The following CELF4 variants were observed in gnomAD, a reference collection of about 807,000 sequenced individuals.
CELF4 encodes CUG-BP- and ETR-3-like factor 4.
Under a neutral mutation model 59.9 loss-of-function variants are expected in CELF4, and 18 were observed. That is an observed-to-expected ratio of 0.30 (90% CI 0.21 to 0.45). The LOEUF (loss-of-function observed/expected upper bound fraction) is 0.45, where lower values mean the gene tolerates loss of function less well. Among genes scored for constraint, CELF4 ranks in the 20% least tolerant of loss-of-function variants. CELF4 has a pLI of 1.00. For synonymous variants in CELF4, 261 were observed against 267.1 expected (o/e 0.98, Z 0.22); for missense variants, 456 against 689.0 (o/e 0.66, Z 3.79).
intron 1 of CELF4, among the ~76,000 whole-genome samples, chr18:37,522,002 A>G (rs1318059018): frequency 6.6e-6 from 1 of 152,184 alleles, no homozygotes; most frequent in Non-Finnish European, 1.5e-5. Flanking sequence ...CGGTGAGTTT[A>G]AGAGTGGAGA....
chr18:37,504,722 T>C (rs191367103), intron 1 of CELF4, among the ~76,000 whole-genome samples: 1 of 152,294 alleles, frequency 6.6e-6, no homozygotes, highest in East Asian at 1.9e-4. Flanking sequence ...TGCTTAGCAC[T>C]AAGCACACAT....
rs565227792 is a variant in CELF4, at chr18:37,565,594, T to C, written c.48A>G (p.Ala16=). The C allele has an allele frequency of 6.2e-7, 1 of 1,610,556 alleles. No individual in the cohort carries two copies. The highest frequency in any genetic ancestry group is 1.1e-5 in the South Asian group (1 of 90,724). Residue 16 remains alanine, a synonymous_variant, in exon 1 of 13, where the codon GCA becomes GCG. Transcript: ENST00000420428. ...ATLANGQADN[A]SLSTNGLGSS... ...TGCCGAGCCCGTTGGTACTGAGGCT[T>C]GCGTTGTCAGCCTGTCCGTTTGCTA... is the stretch of plus-strand genomic sequence containing the variant.
intron 3 of CELF4, among the ~76,000 whole-genome samples, chr18:37,319,958 T>C (rs1297727554): frequency 1.3e-5 from 2 of 152,166 alleles, no homozygotes; most frequent in African/African-American, 4.8e-5. Flanking sequence ...GCCCTCATGC[T>C]GGACACCCCA....
At chr18:37,366,666 C>T (rs1188037415) in intron 2 of CELF4, among the ~76,000 whole-genome samples, 2 of 152,104 alleles carry the variant, frequency 1.3e-5, no homozygotes, top group South Asian at 2.1e-4. Context: ...CTCCATTAGG[C>T]AAGGAGGGTC....
intron 2 of CELF4, among the ~76,000 whole-genome samples, chr18:37,411,025 T>C (rs1211751793): frequency 6.6e-6 from 1 of 152,134 alleles, no homozygotes; most frequent in Non-Finnish European, 1.5e-5. Context: ...GGCACTATCA[T>C]AGCTCACTGT....
At chr18:37,494,650 A>G (rs1004873790) in intron 1 of CELF4, among the ~76,000 whole-genome samples, 6 of 152,160 alleles carry the variant, frequency 3.9e-5, no homozygotes, top group South Asian at 2.1e-4. Context: ...TCGGCATCTG[A>G]CAGCTCAGAA....
At position 37,450,041 on chromosome 18, in the gene CELF4, G is replaced by T. The variant is rs912938957; in HGVS notation, c.369+35484C>A. 2.6e-5 allele frequency among the ~76,000 whole-genome samples: 4 copies of T among 152,160 alleles called. No homozygotes were observed. In the East Asian group the frequency reaches 7.7e-4, roughly 29 times the overall value. On this transcript the variant is annotated intron_variant, in intron 2 of 12. Transcript: ENST00000420428. Reference sequence around the variant, plus strand: ...CACAGGGTTTTCCCAGAGCCCAGAAGTGCAAGCCTATGCTATGGAGGGGCC... The same window carrying T: ...CACAGGGTTTTCCCAGAGCCCAGAATTGCAAGCCTATGCTATGGAGGGGCC...
chr18:37,312,117 AAAAAAAAAAAAAAG>A (rs1048732713), intron 3 of CELF4, among the ~76,000 whole-genome samples: 19 of 118,496 alleles, frequency 1.6e-4, no homozygotes, highest in East Asian at 4.7e-4. Context: ...TCTCAAAAAA[AAAAAAAAAAAAAAG>A]AAAAAAAAAA....
chr18:37,439,451 G>A (rs1363352333), intron 2 of CELF4, among the ~76,000 whole-genome samples: 1 of 152,184 alleles, frequency 6.6e-6, no homozygotes, highest in Admixed American at 6.5e-5. Flanking sequence ...CTGAAATACT[G>A]AGGAGCTCAT....
intron 2 of CELF4, among the ~76,000 whole-genome samples, chr18:37,397,125 C>T (rs1443990464): frequency 6.6e-6 from 1 of 152,112 alleles, no homozygotes; most frequent in Non-Finnish European, 1.5e-5. Context: ...CACAAACCCT[C>T]ATGCCTCCCA....
At chr18:37,442,757 T>C (rs1325616634) in intron 2 of CELF4, among the ~76,000 whole-genome samples, 1 of 152,220 alleles carries the variant, frequency 6.6e-6, no homozygotes, top group Non-Finnish European at 1.5e-5. Context: ...TGTGGAACCC[T>C]GAGCCACCTG....
At chr18:37,314,943 C>T (rs2096813744) in intron 3 of CELF4, among the ~76,000 whole-genome samples, 9 of 152,198 alleles carry the variant, frequency 5.9e-5, no homozygotes, top group Admixed American at 5.9e-4. Flanking sequence ...TCACTTGCCA[C>T]AGCCAGAAGT....
At chr18:37,457,198 G>C (rs1364929441) in intron 2 of CELF4, among the ~76,000 whole-genome samples, 1 of 152,178 alleles carries the variant, frequency 6.6e-6, no homozygotes, top group Non-Finnish European at 1.5e-5. Flanking sequence ...GGCTCCCTGT[G>C]GCCTTTGTTG....
At chr18:37,406,508 G>T (rs2099390466) in intron 2 of CELF4, among the ~76,000 whole-genome samples, 2 of 152,180 alleles carry the variant, frequency 1.3e-5, no homozygotes, top group Non-Finnish European at 2.9e-5. Flanking sequence ...GACCTTGGGG[G>T]AACCTGAGCA....
chr18:37,465,734 C>A (rs2099806385), intron 2 of CELF4, among the ~76,000 whole-genome samples: 2 of 152,168 alleles, frequency 1.3e-5, no homozygotes, highest in South Asian at 4.2e-4. Context: ...TGTGGTTATG[C>A]AGTAAGTGTA....
At chr18:37,267,771 C>G (rs148417539) in intron 8 of CELF4, among the ~76,000 whole-genome samples, 7 of 152,056 alleles carry the variant, frequency 4.6e-5, no homozygotes, top group Admixed American at 4.6e-4. Context: ...CACGGTGGCT[C>G]ATGCCTGCAA....
At chr18:37,452,801 G>A (rs1302714942) in intron 2 of CELF4, among the ~76,000 whole-genome samples, 1 of 152,016 alleles carries the variant, frequency 6.6e-6, no homozygotes, top group Non-Finnish European at 1.5e-5. Context: ...CCCCCAAATG[G>A]TTCCAGAATT....
chr18:37,342,659 G>A (rs940562610), intron 2 of CELF4, among the ~76,000 whole-genome samples: 2 of 152,224 alleles, frequency 1.3e-5, no homozygotes, highest in African/African-American at 4.8e-5. Context: ...GTTCCTGCAG[G>A]CATCTCTTAG....
intron 1 of CELF4, among the ~76,000 whole-genome samples, chr18:37,564,713 T>C (rs1284467496): frequency 1.3e-5 from 2 of 151,928 alleles, no homozygotes; most frequent in African/African-American, 4.8e-5. Context: ...CCTTAGGTTT[T>C]ATCACTGGTT....
Sources: allele counts gnomAD v4.1 joint callset (sites outside exome capture counted in the v4.1 genomes callset), GRCh38; gene constraint gnomAD v4.1.1; transcripts MANE v1.5; gene names NCBI Gene and HGNC (gene_info 2026-07-23, HGNC 2026-07-21).